Variants in ZEB1 observed in about 807,000 individuals in gnomAD.
The protein encoded by ZEB1 is zinc finger E-box-binding homeobox 1.
ZEB1 carries 21 observed loss-of-function variants against 84.9 expected under a neutral mutation model. The observed-to-expected ratio is 0.25, with a 90% CI of 0.18 to 0.36. The LOEUF (loss-of-function observed/expected upper bound fraction) is 0.36, where lower values mean the gene tolerates loss of function less well. Among genes scored for constraint, ZEB1 ranks in the 10% least tolerant of loss-of-function variants. ZEB1 has a pLI of 1.00. For synonymous variants in ZEB1, 420 were observed against 471.1 expected (o/e 0.89, Z 1.41); for missense variants, 1,104 against 1,330.2 (o/e 0.83, Z 2.65).
intron 2 of ZEB1, among the ~76,000 whole-genome samples, chr10:31,466,462 T>C (rs928527378): frequency 3.9e-5 from 6 of 152,016 alleles, no homozygotes; most frequent in Admixed American, 1.3e-4. Context: ...AGGAGGAAAA[T>C]TGGAAAATTC....
chr10:31,365,760 G>A (rs1261046467), intron 1 of ZEB1, among the ~76,000 whole-genome samples: 1 of 152,234 alleles, frequency 6.6e-6, no homozygotes, highest in East Asian at 1.9e-4. Flanking sequence ...AAAAAGTAGG[G>A]GTGAGATTGA....
chr10:31,418,656 C>T (rs1228800949), intron 1 of ZEB1, among the ~76,000 whole-genome samples: 2 of 152,022 alleles, frequency 1.3e-5, no homozygotes, highest in East Asian at 1.9e-4. Flanking sequence ...CTGTACTCTA[C>T]TGAGGTTAGG....
intron 6 of ZEB1, 135 bp from the exon 7 acceptor site, chr10:31,519,991 A>C: frequency 6.7e-6 from 8 of 1,188,744 alleles, no homozygotes; most frequent in Non-Finnish European, 9.3e-6. Context: ...AGTTTATTCT[A>C]AATACAGTTC....
At chr10:31,499,512 A>AT (rs1209989427) in intron 3 of ZEB1, among the ~76,000 whole-genome samples, 3 of 152,060 alleles carry the variant, frequency 2.0e-5, no homozygotes, top group Non-Finnish European at 4.4e-5. Flanking sequence ...GAAAAAAAGC[A>AT]TTTTTTCGTT....
chr10:31,319,651 C>G (rs2033195087), intron 1 of ZEB1: 1 of 277,556 alleles, frequency 3.6e-6, no homozygotes, highest in Admixed American at 5.5e-5. Flanking sequence ...CCGGGTGGAG[C>G]GGCTGTTGCT....
In ZEB1 at chr10:31,521,424, G is replaced by A; in HGVS notation, c.2092G>A (p.Gly698Ser). The change falls in exon 7 of 9, where the codon GGT (glycine) becomes AGT (serine). Residue 698 changes from glycine to serine, a missense_variant. Physicochemically the swap from Gly to Ser is moderately conservative, Grantham distance 56 (BLOSUM62 0). Around this residue, in one of 7 missense-constraint regions of ZEB1, gnomAD observed 531 missense variants for 575.2 expected, o/e 0.92. Coordinates refer to ENST00000424869, the MANE Select transcript of ZEB1 (RefSeq NM_001174096.2). ...PVLPVGSTTNGSRSSTPSPSP... is the reference protein window; with the variant it reads ...PVLPVGSTTNSSRSSTPSPSP... ...TTTACCAGTGGGATCAACCACCAAT[G>A]GTTCCAGAAGTAGTACACCATCCCC... The A allele has an allele frequency of 6.2e-7, 1 of 1,614,056 alleles. No individual in the cohort carries two copies. Among genetic ancestry groups the A allele is most frequent in the Non-Finnish European group, 8.5e-7 (1 of 1,180,006 alleles).
chr10:31,417,194 G>C (rs2055360718), intron 1 of ZEB1, among the ~76,000 whole-genome samples: 1 of 152,136 alleles, frequency 6.6e-6, no homozygotes, highest in Non-Finnish European at 1.5e-5. Flanking sequence ...AAAATTTAGA[G>C]TTCTCCAAAT....
At chr10:31,339,657 C>A (rs1373137391) in intron 1 of ZEB1, among the ~76,000 whole-genome samples, 1 of 151,848 alleles carries the variant, frequency 6.6e-6, no homozygotes, top group Non-Finnish European at 1.5e-5. Context: ...GTAATCTCAG[C>A]TACTCAGGAG....
chr10:31,387,709 C>T (rs2048879539), intron 1 of ZEB1: 1 of 977,304 alleles, frequency 1.0e-6, no homozygotes, highest in South Asian at 4.7e-5. Context: ...TGTATCTTAT[C>T]TTTACTTCAG....
intron 1 of ZEB1, among the ~76,000 whole-genome samples, chr10:31,406,898 GT>G (rs1438114136): frequency 6.6e-6 from 1 of 151,962 alleles, no homozygotes; most frequent in East Asian, 1.9e-4. Flanking sequence ...TCCAGTTTCA[GT>G]TTTCTGCATA....
chr10:31,417,292 A>G (rs2055379678), intron 1 of ZEB1, among the ~76,000 whole-genome samples: 1 of 152,102 alleles, frequency 6.6e-6, no homozygotes, highest in Non-Finnish European at 1.5e-5. Context: ...TTCTTGTCCT[A>G]GTGCATCATC....
chr10:31,368,491 C>T (rs1181967810), intron 1 of ZEB1, among the ~76,000 whole-genome samples: 1 of 143,518 alleles, frequency 7.0e-6, no homozygotes, highest in Admixed American at 7.0e-5. Flanking sequence ...CTCTAGCTTA[C>T]TTATAATACC....
chr10:31,460,835 AG>A (rs2137439591), intron 1 of ZEB1, among the ~76,000 whole-genome samples: 1 of 152,264 alleles, frequency 6.6e-6, no homozygotes, highest in African/African-American at 2.4e-5. Context: ...GTATTCAATA[AG>A]GGTAGCTACT....
At chr10:31,381,286 A>G (rs943733676) in intron 1 of ZEB1, among the ~76,000 whole-genome samples, 1 of 152,194 alleles carries the variant, frequency 6.6e-6, no homozygotes, top group Non-Finnish European at 1.5e-5. Context: ...AATAATAAAA[A>G]TTTAATAAAG....
chr10:31,455,055 C>A (rs2061035878), intron 1 of ZEB1, among the ~76,000 whole-genome samples: 1 of 152,114 alleles, frequency 6.6e-6, no homozygotes, highest in African/African-American at 2.4e-5. Context: ...GTACTGGTAT[C>A]AAAATAGATA....
intron 1 of ZEB1, among the ~76,000 whole-genome samples, chr10:31,411,540 G>A (rs2054267709): frequency 6.6e-6 from 1 of 150,694 alleles, no homozygotes; most frequent in African/African-American, 2.4e-5. Flanking sequence ...GCTGATGCAG[G>A]AGAATGGCGT....
chr10:31,437,154 G>T (rs886575341), intron 1 of ZEB1, among the ~76,000 whole-genome samples: 1 of 152,100 alleles, frequency 6.6e-6, no homozygotes, highest in Non-Finnish European at 1.5e-5. Flanking sequence ...GCATAAAAGA[G>T]AGATTAATAT....
intron 1 of ZEB1, among the ~76,000 whole-genome samples, chr10:31,422,830 C>A (rs911105868): frequency 6.6e-6 from 1 of 151,812 alleles, no homozygotes; most frequent in African/African-American, 2.4e-5. Flanking sequence ...TTCTTTTGTT[C>A]CCCCCTTTGG....
intron 1 of ZEB1, among the ~76,000 whole-genome samples, chr10:31,384,560 T>G (rs551661099): frequency 6.6e-6 from 1 of 152,298 alleles, no homozygotes; most frequent in African/African-American, 2.4e-5. Flanking sequence ...CACTACAGAT[T>G]GCGTGAGAAA....
Sources: gnomAD v4.1 joint callset for allele counts (sites outside exome capture counted in the v4.1 genomes callset) on GRCh38, gnomAD v4.1.1 for gene constraint, gnomAD v4.1.1 regional missense constraint, MANE v1.5 for transcripts, NCBI Gene and HGNC (gene_info 2026-07-23, HGNC 2026-07-21) for gene names.